Variants in MAN2A1 observed in about 807,000 individuals in gnomAD.
MAN2A1 encodes alpha-mannosidase 2.
A neutral mutation model predicts 142.6 loss-of-function variants in MAN2A1; 76 were observed. The observed-to-expected ratio is 0.53, with a 90% CI of 0.44 to 0.65. The LOEUF (loss-of-function observed/expected upper bound fraction) is 0.65. MAN2A1 is among the 30% of genes least tolerant of loss of function. MAN2A1 has a pLI of 0.00. For missense variants in MAN2A1, 1,311 were observed against 1,365.1 expected (o/e 0.96, Z 0.62); for synonymous variants, 559 against 473.2 (o/e 1.18, Z -2.35).
chr5:109,820,256 G>A lies in MAN2A1; in HGVS notation c.2365G>A (p.Val789Ile). Residue 789 changes from valine (V) to isoleucine (I), a missense_variant, in exon 15 of 22, where the codon GTA becomes ATA. Val to Ile is a conservative substitution (Grantham distance 29). This residue lies in a region of MAN2A1 where 890 missense variants were observed against 920.5 expected (regional missense o/e 0.97). Coordinates refer to ENST00000261483, the MANE Select transcript of MAN2A1 (RefSeq NM_002372.4). ...TAAAGAAGATGGTAAACACCATGAA[G>A]TAAATGTGCAATTTTCATGGTATGG... ...MTKEDGKHHE[V>I]NVQFSWYGTT... The A allele has an allele frequency of 6.2e-7, 1 of 1,609,780 alleles. No homozygotes were observed. Among genetic ancestry groups the A allele is most frequent in the Non-Finnish European group, 8.5e-7 (1 of 1,176,632 alleles).
intron 3 of MAN2A1, among the ~76,000 whole-genome samples, chr5:109,728,665 A>G (rs1185202074): frequency 1.3e-5 from 2 of 152,214 alleles, no homozygotes; most frequent in Non-Finnish European, 2.9e-5. Context: ...GTCAACATCT[A>G]CAGTTCTCTT....
chr5:109,787,800 A>G (rs1445013647), intron 10 of MAN2A1, among the ~76,000 whole-genome samples: 7 of 151,792 alleles, frequency 4.6e-5, no homozygotes, highest in Admixed American at 2.0e-4. Flanking sequence ...ACTGAACCAT[A>G]TTCGTATGGT....
chr5:109,834,171 C>T (rs1220230710), intron 16 of MAN2A1, among the ~76,000 whole-genome samples: 1 of 152,152 alleles, frequency 6.6e-6, no homozygotes, highest in Non-Finnish European at 1.5e-5. Context: ...AGAGTAACTG[C>T]CAGTGCCACA....
At chr5:109,792,187 T>G (rs1447710254) in intron 12 of MAN2A1, among the ~76,000 whole-genome samples, 1 of 152,136 alleles carries the variant, frequency 6.6e-6, no homozygotes, top group South Asian at 2.1e-4. Context: ...CCATACATGC[T>G]TTCCTTTTGG....
intron 18 of MAN2A1, 52 bp downstream of exon 18, chr5:109,846,058 T>C (rs1220714956): frequency 2.0e-6 from 3 of 1,495,520 alleles, no homozygotes; most frequent in East Asian, 4.9e-5. Flanking sequence ...ATTCCAACTG[T>C]ATACTTTTTC....
chr5:109,739,369 C>T (rs923759349), intron 4 of MAN2A1, among the ~76,000 whole-genome samples: 1 of 152,118 alleles, frequency 6.6e-6, no homozygotes, highest in Admixed American at 6.6e-5. Flanking sequence ...TACTGATTTA[C>T]TACTGCTTTT....
chr5:109,805,415 A>G (rs1213555316), intron 12 of MAN2A1, among the ~76,000 whole-genome samples: 1 of 152,192 alleles, frequency 6.6e-6, no homozygotes, highest in African/African-American at 2.4e-5. Context: ...TGCATTGTGA[A>G]AAGTTCCTGA....
intron 19 of MAN2A1, among the ~76,000 whole-genome samples, chr5:109,848,399 T>G (rs1021273067): frequency 1.3e-4 from 20 of 152,192 alleles, no homozygotes; most frequent in African/African-American, 4.8e-4. Flanking sequence ...CCACCTTGGA[T>G]AGCCCTGAGC....
At chr5:109,792,908 C>T (rs1252723002) in intron 12 of MAN2A1, among the ~76,000 whole-genome samples, 1 of 152,012 alleles carries the variant, frequency 6.6e-6, no homozygotes, top group Admixed American at 6.6e-5. Context: ...GATTGAAAGT[C>T]TCAAAAGTGA....
At chr5:109,744,664 G>A (rs915544532) in intron 4 of MAN2A1, among the ~76,000 whole-genome samples, 6 of 152,144 alleles carry the variant, frequency 3.9e-5, no homozygotes, top group African/African-American at 1.4e-4. Context: ...TATGTTGCGG[G>A]TGGGAATGCA....
intron 9 of MAN2A1, among the ~76,000 whole-genome samples, chr5:109,782,803 TGTACATATTTATGGA>T (rs1184750150): frequency 6.6e-6 from 1 of 152,114 alleles, no homozygotes; most frequent in Non-Finnish European, 1.5e-5. Context: ...ACATATTAGT[TGTACATATTTATGGA>T]GTACATGTGA....
chr5:109,758,356 A>G (rs1485394306), intron 5 of MAN2A1, among the ~76,000 whole-genome samples: 1 of 151,732 alleles, frequency 6.6e-6, no homozygotes, highest in East Asian at 1.9e-4. Context: ...TTATTTTCCT[A>G]TTTTTCAGTA....
At chr5:109,860,751 A>T (rs1755734618) in intron 20 of MAN2A1, among the ~76,000 whole-genome samples, 1 of 152,218 alleles carries the variant, frequency 6.6e-6, no homozygotes, top group South Asian at 2.1e-4. Context: ...GAATGGCTCA[A>T]ATCCTATTTG....
intron 7 of MAN2A1, among the ~76,000 whole-genome samples, chr5:109,774,392 G>C (rs536636966): frequency 1.0e-3 from 152 of 152,188 alleles, no homozygotes; most frequent in African/African-American, 3.6e-3. Context: ...TATGTGGGAA[G>C]TCCTTATTGT....
intron 7 of MAN2A1, among the ~76,000 whole-genome samples, chr5:109,770,916 A>C (rs1753129196): frequency 6.6e-6 from 1 of 152,192 alleles, no homozygotes; most frequent in African/African-American, 2.4e-5. Context: ...AACTGCAAAA[A>C]CACATTTATT....
chr5:109,718,665 A>C lies in MAN2A1; in HGVS notation c.535+2401A>C, dbSNP rs191615017. Among the ~76,000 whole-genome samples the C allele has an allele frequency of 3.2e-3, 493 of 152,260 alleles. 3 individuals are homozygous for C. The highest frequency in any genetic ancestry group is 0.011 in the African/African-American group (473 of 41,556). On this transcript the variant is annotated intron_variant, in intron 3 of 21. Transcript: ENST00000261483. ...ACCTTTCTCAAAGCCCCTCCACCACATACTCATACTGCACACACACGCCTC... is the reference window on the plus strand; with the variant it reads ...ACCTTTCTCAAAGCCCCTCCACCACCTACTCATACTGCACACACACGCCTC...
chr5:109,857,220 A>G (rs1755647286), intron 20 of MAN2A1, among the ~76,000 whole-genome samples: 1 of 152,216 alleles, frequency 6.6e-6, no homozygotes, highest in African/African-American at 2.4e-5. Flanking sequence ...TCCTTTATTC[A>G]TGGCTATATC....
chr5:109,744,577 C>T (rs1403437568), intron 4 of MAN2A1, among the ~76,000 whole-genome samples: 1 of 152,066 alleles, frequency 6.6e-6, no homozygotes, highest in Non-Finnish European at 1.5e-5. Context: ...ATACTGTTTC[C>T]AACCCTTTTA....
chr5:109,701,243 A>G (rs1337211567), intron 1 of MAN2A1, among the ~76,000 whole-genome samples: 3 of 152,212 alleles, frequency 2.0e-5, no homozygotes. Context: ...TAAGTTGACT[A>G]AAGGAGAGGG....
Sources: gnomAD v4.1 joint callset for allele counts (sites outside exome capture counted in the v4.1 genomes callset) on GRCh38, gnomAD v4.1.1 for gene constraint, gnomAD v4.1.1 regional missense constraint, MANE v1.5 for transcripts, NCBI Gene and HGNC (gene_info 2026-07-23, HGNC 2026-07-21) for gene names.